The following GABRB1 variants were observed in gnomAD, a reference collection of about 807,000 sequenced individuals.
GABRB1 encodes gamma-aminobutyric acid receptor subunit beta-1.
GABRB1 carries 17 observed loss-of-function variants against 51.6 expected under a neutral mutation model. The observed-to-expected ratio is 0.33, with a 90% CI of 0.23 to 0.49. GABRB1 has a LOEUF of 0.49. Ranked by LOEUF, GABRB1 falls within the 20% of genes least tolerant of loss-of-function variation. The pLI is 0.99. For synonymous variants in GABRB1, 247 were observed against 218.9 expected, an observed-to-expected ratio of 1.13 and a Z score of -1.14; for missense variants, 410 against 600.6, an observed-to-expected ratio of 0.68 and a Z score of 3.32.
chr4:47,100,284 A>C (rs1361935501), intron 3 of GABRB1, among the ~76,000 whole-genome samples: 2 of 152,126 alleles, frequency 1.3e-5, no homozygotes, highest in East Asian at 3.9e-4. Context: ...AATTATACCT[A>C]ATAGCCTAAA....
At chr4:47,264,829 C>T (rs1054814188) in intron 4 of GABRB1, among the ~76,000 whole-genome samples, 2 of 152,302 alleles carry the variant, frequency 1.3e-5, no homozygotes, top group Admixed American at 1.3e-4. Flanking sequence ...TGCCCAGGAC[C>T]TTCAAGCAAC....
At chr4:47,054,588 A>T (rs1021295788) in intron 3 of GABRB1, among the ~76,000 whole-genome samples, 2 of 149,090 alleles carry the variant, frequency 1.3e-5, no homozygotes, top group Non-Finnish European at 3.0e-5. Flanking sequence ...TATGGGCAAC[A>T]TTTTTTTTTT....
At chr4:47,124,786 G>A (rs1281500580) in intron 3 of GABRB1, among the ~76,000 whole-genome samples, 1 of 151,968 alleles carries the variant, frequency 6.6e-6, no homozygotes, top group Non-Finnish European at 1.5e-5. Context: ...CTAAAAGACA[G>A]GTCATGTGAA....
Position 47,425,917 on chromosome 4 carries a change from G to A in GABRB1, c.1324G>A (p.Asp442Asn), listed in dbSNP as rs1729276053. The A allele has an allele frequency of 1.2e-6, 2 of 1,614,098 alleles. No individual in the cohort carries two copies. Among genetic ancestry groups the A allele is most frequent in the Non-Finnish European group, 1.7e-6 (2 of 1,179,944 alleles). Reference sequence around the variant, plus strand: ...CTCCCAGCTCAAAGTCAAGATCCCCGACTTGACTGATGTGAATTCCATAGA... The same window carrying A: ...CTCCCAGCTCAAAGTCAAGATCCCCAACTTGACTGATGTGAATTCCATAGA... ...RASQLKVKIP[D>N]LTDVNSIDKW... Residue 442 changes from aspartate to asparagine, a missense_variant, in exon 9 of 9, where the codon GAC becomes AAC. Transcript: ENST00000295454.
chr4:47,202,716 C>T (rs965533917), intron 4 of GABRB1, among the ~76,000 whole-genome samples: 1 of 152,120 alleles, frequency 6.6e-6, no homozygotes, highest in East Asian at 1.9e-4. Context: ...AAAGAATGGT[C>T]TACACATTGC....
intron 4 of GABRB1, among the ~76,000 whole-genome samples, chr4:47,238,176 C>T (rs1036577862): frequency 4.6e-5 from 7 of 151,784 alleles, no homozygotes; most frequent in African/African-American, 1.7e-4. Context: ...TTTTGTAAGG[C>T]ACATTGCAGT....
intron 3 of GABRB1, among the ~76,000 whole-genome samples, chr4:47,152,855 CCT>C (rs1315831543): frequency 1.3e-5 from 2 of 152,042 alleles, no homozygotes; most frequent in African/African-American, 4.8e-5. Context: ...TCACAGTTTT[CCT>C]CTCTTTCACC....
chr4:47,193,271 C>T (rs897553350), intron 4 of GABRB1, among the ~76,000 whole-genome samples: 10 of 152,102 alleles, frequency 6.6e-5, no homozygotes, highest in Non-Finnish European at 1.5e-4. Flanking sequence ...TACAGGCATG[C>T]GCCACCACAC....
chr4:47,196,845 A>C (rs1719702670), intron 4 of GABRB1, among the ~76,000 whole-genome samples: 1 of 152,208 alleles, frequency 6.6e-6, no homozygotes, highest in South Asian at 2.1e-4. Context: ...CCTCATGAAC[A>C]CATTTTACAT....
chr4:47,058,533 G>A (rs1489597024), intron 3 of GABRB1, among the ~76,000 whole-genome samples: 3 of 152,112 alleles, frequency 2.0e-5, no homozygotes, highest in Non-Finnish European at 2.9e-5. Context: ...CCATGCATCC[G>A]GGCTTTTGGG....
chr4:47,256,040 C>G (rs1339865937), intron 4 of GABRB1, among the ~76,000 whole-genome samples: 1 of 152,182 alleles, frequency 6.6e-6, no homozygotes, highest in Non-Finnish European at 1.5e-5. Context: ...CAGTGCCACA[C>G]TAATGAATTA....
At chr4:47,313,629 A>G (rs1192565136) in intron 4 of GABRB1, among the ~76,000 whole-genome samples, 1 of 152,054 alleles carries the variant, frequency 6.6e-6, no homozygotes, top group African/African-American at 2.4e-5. Context: ...TTGCTGAACA[A>G]TTTTTTCTCA....
At chr4:47,328,357 TTTTG>T (rs1725332575) in intron 5 of GABRB1, among the ~76,000 whole-genome samples, 1 of 152,212 alleles carries the variant, frequency 6.6e-6, no homozygotes, top group Admixed American at 6.5e-5. Flanking sequence ...TTGCCATTGC[TTTTG>T]GTGTTTTAGA....
chr4:47,052,310 A>G (rs1211298380), intron 3 of GABRB1, among the ~76,000 whole-genome samples: 1 of 152,166 alleles, frequency 6.6e-6, no homozygotes, highest in African/African-American at 2.4e-5. Context: ...CTGAGGAAAG[A>G]GAGCATGACA....
intron 4 of GABRB1, among the ~76,000 whole-genome samples, chr4:47,165,749 G>T (rs1718156160): frequency 6.6e-6 from 1 of 151,894 alleles, no homozygotes; most frequent in African/African-American, 2.4e-5. Context: ...ATTTCCAATT[G>T]CTCACTGAGC....
At chr4:47,316,707 T>C (rs1006963431) in intron 4 of GABRB1, among the ~76,000 whole-genome samples, 10 of 151,944 alleles carry the variant, frequency 6.6e-5, no homozygotes, top group Non-Finnish European at 1.2e-4. Context: ...TTTGCAGTGG[T>C]ATCATTGACT....
At chr4:47,360,198 G>T (rs114067908) in intron 5 of GABRB1, among the ~76,000 whole-genome samples, 1 of 151,818 alleles carries the variant, frequency 6.6e-6, no homozygotes, top group Non-Finnish European at 1.5e-5. Context: ...CTGTAGCTAC[G>T]GAGACATCTG....
intron 3 of GABRB1, among the ~76,000 whole-genome samples, chr4:47,147,653 C>T (rs1276224780): frequency 2.6e-5 from 4 of 152,204 alleles, no homozygotes; most frequent in Admixed American, 2.0e-4. Flanking sequence ...GACTTCCTGG[C>T]TCCTGACATG....
At chr4:47,127,352 G>A (rs1054917360) in intron 3 of GABRB1, among the ~76,000 whole-genome samples, 21 of 151,312 alleles carry the variant, frequency 1.4e-4, no homozygotes, top group South Asian at 2.1e-4. Flanking sequence ...ATGTACGTAT[G>A]CATACATATC....
Sources: allele counts gnomAD v4.1 joint callset (sites outside exome capture counted in the v4.1 genomes callset), GRCh38; gene constraint gnomAD v4.1.1; transcripts MANE v1.5; gene names NCBI Gene and HGNC (gene_info 2026-07-23, HGNC 2026-07-21).